The following MBTD1 variants were observed in gnomAD, a reference collection of about 807,000 sequenced individuals.
MBTD1 encodes MBT domain-containing protein 1.
MBTD1 carries 24 observed loss-of-function variants against 87.8 expected under a neutral mutation model. That is an observed-to-expected ratio of 0.27 (90% CI 0.20 to 0.38). MBTD1 has a LOEUF of 0.38. Ranked by LOEUF, MBTD1 falls within the 10% of genes least tolerant of loss-of-function variation. The pLI, the probability that MBTD1 is intolerant of heterozygous loss-of-function variation, is 1.00. For synonymous variants in MBTD1, 237 were observed against 248.6 expected (o/e 0.95, Z 0.44); for missense variants, 436 against 760.2 (o/e 0.57, Z 5.02).
chr17:51,253,393 A>G (rs1277720108), intron 2 of MBTD1, among the ~76,000 whole-genome samples: 1 of 152,218 alleles, frequency 6.6e-6, no homozygotes, highest in Non-Finnish European at 1.5e-5. Context: ...TGCTAATGTA[A>G]TAATAATGAA....
chr17:51,183,674 T>C (rs1467394186), intron 16 of MBTD1: 1 of 152,202 alleles, frequency 6.6e-6, no homozygotes, highest in Non-Finnish European at 1.5e-5. Context: ...CTTCCTTTCA[T>C]TAAAAAATTA....
At position 51,202,705 on chromosome 17, in the gene MBTD1, T is replaced by A. The variant is rs1198178030; in HGVS notation, c.1059A>T (p.Arg353Ser). 1 of 1,612,308 alleles carries A rather than the reference T, an allele frequency of 6.2e-7. No individual in the cohort carries two copies. Among genetic ancestry groups the A allele is most frequent in the Non-Finnish European group, 8.5e-7 (1 of 1,178,426 alleles). ...WSRSIGHRFK[R>S]SDITKKQDGH... ...GTTCTTGTGATAGGTGCTTACCAGA[T>A]CTTTTGAATCGATGACCTATGCTTC... The change falls in exon 10 of 17, where the codon AGA becomes AGT. Residue 353 changes from arginine (R) to serine (S), a missense_variant. Physicochemically the swap from Arg to Ser is moderately radical, Grantham distance 110 (BLOSUM62 -1). Coordinates refer to ENST00000586178, the MANE Select transcript of MBTD1 (RefSeq NM_017643.3).
At position 51,191,160 on chromosome 17, in the gene MBTD1, T is replaced by C. The variant is rs537877967; in HGVS notation, c.1768+1043A>G. Among the ~76,000 whole-genome samples, 5 of 151,494 alleles carry C rather than the reference T, an allele frequency of 3.3e-5. No individual in the cohort carries two copies. In the South Asian group the frequency reaches 1.0e-3, roughly 32 times the overall value. Reference sequence around the variant, plus strand: ...GCTATGGCTTTCTATGGTGGGGAAATAAGATAAAAAAAATCAAACATAGTT... The same window carrying C: ...GCTATGGCTTTCTATGGTGGGGAAACAAGATAAAAAAAATCAAACATAGTT... On this transcript the variant is annotated intron_variant, in intron 16 of 16. Coordinates refer to ENST00000586178, the MANE Select transcript of MBTD1 (RefSeq NM_017643.3).
chr17:51,259,186 C>T lies in MBTD1; in HGVS notation c.-92G>A. The T allele has an allele frequency of 9.1e-7, 1 of 1,094,652 alleles. No individual in the cohort carries two copies. The highest frequency in any genetic ancestry group is 1.2e-6 in the Non-Finnish European group (1 of 862,628). The allele number at this position is 1,094,652 out of a possible 1,614,324, so 67.8% of individuals were successfully genotyped here. ...CAGAGGGGACGGCTGCTTTGGATGA[C>T]CTCTAATGTCTCTTCCGACTCTGAA... On this transcript the variant is annotated 5_prime_UTR_variant, in exon 2 of 17. Transcript: ENST00000586178.
chr17:51,192,041 T>A, intron 16 of MBTD1, 162 bp downstream of exon 16: 1 of 624,172 alleles, frequency 1.6e-6, no homozygotes, highest in Non-Finnish European at 2.9e-6. Flanking sequence ...TGTTTCTCAT[T>A]ATTGCAAGGG....
upstream of MBTD1, chr17:51,260,755 G>GGCCGCTGCGATT (rs1568259740): frequency 6.3e-7 from 1 of 1,582,008 alleles, no homozygotes; most frequent in East Asian, 2.3e-5. Flanking sequence ...CGAGCGCGGC[G>GGCCGCTGCGATT]GCCGCTGCGA....
At chr17:51,186,738 C>T (rs933448710) in intron 16 of MBTD1, among the ~76,000 whole-genome samples, 1 of 151,572 alleles carries the variant, frequency 6.6e-6, no homozygotes, top group Non-Finnish European at 1.5e-5. Context: ...CGTGCCACTG[C>T]ACTCCAACCT....
At chr17:51,209,810 A>G (rs907027976) in intron 6 of MBTD1, among the ~76,000 whole-genome samples, 26 of 152,240 alleles carry the variant, frequency 1.7e-4, no homozygotes, top group Non-Finnish European at 2.4e-4. Context: ...ATGTACAAAA[A>G]GCCATCATCA....
At chr17:51,184,176 G>A (rs2050436083) in intron 16 of MBTD1, 2 of 152,164 alleles carry the variant, frequency 1.3e-5, no homozygotes, top group Non-Finnish European at 2.9e-5. Flanking sequence ...TGTTTTCATG[G>A]AATCTAAAAT....
chr17:51,259,108 C>T, intron 2 of MBTD1, 35 bp downstream of exon 2: 1 of 435,156 alleles, frequency 2.3e-6, no homozygotes, highest in Non-Finnish European at 3.9e-6. Flanking sequence ...GCTCTCAGTG[C>T]TTTTAGGGGT....
chr17:51,253,241 C>A (rs985044774), intron 2 of MBTD1, among the ~76,000 whole-genome samples: 2 of 152,044 alleles, frequency 1.3e-5, no homozygotes, highest in Non-Finnish European at 2.9e-5. Flanking sequence ...ACTATCTTTC[C>A]GGAAGGCAAT....
At position 51,210,827 on chromosome 17, in the gene MBTD1, T is replaced by A. The variant is rs529584579; in HGVS notation, c.487-3822A>T. On this transcript the variant is annotated intron_variant, in intron 6 of 16. Transcript: ENST00000586178. Reference sequence around the variant, plus strand: ...GCATAAAACAGTCCATAATTTTTTTTAAAAAACCATATTAAACCAATATCA... The same window carrying A: ...GCATAAAACAGTCCATAATTTTTTTAAAAAAACCATATTAAACCAATATCA... Among the ~76,000 whole-genome samples, 53 of 151,054 alleles carry A rather than the reference T, an allele frequency of 3.5e-4. No homozygotes were observed. In the South Asian group the frequency reaches 4.8e-3, roughly 14 times the overall value.
chr17:51,223,764 A>G (rs186531529), intron 3 of MBTD1, among the ~76,000 whole-genome samples: 177 of 152,180 alleles, frequency 1.2e-3, no homozygotes, highest in African/African-American at 4.0e-3. Context: ...TGAACCCGGG[A>G]GGTGGAGGCT....
chr17:51,191,863 G>A (rs1299908197), intron 16 of MBTD1: 5 of 237,602 alleles, frequency 2.1e-5, no homozygotes, highest in African/African-American at 7.1e-5. Flanking sequence ...TTACAGGCGT[G>A]AGCCACTGCA....
At chr17:51,246,040 T>C (rs2054414692) in intron 2 of MBTD1, among the ~76,000 whole-genome samples, 3 of 152,230 alleles carry the variant, frequency 2.0e-5, no homozygotes, top group South Asian at 2.1e-4. Context: ...CTGCTTCACA[T>C]AGGTTTTTAA....
At chr17:51,203,693 G>A (rs986160347) in intron 8 of MBTD1, 98 bp downstream of exon 8, 18 of 1,342,148 alleles carry the variant, frequency 1.3e-5, no homozygotes, top group African/African-American at 8.8e-5. Context: ...GGCCATGCCC[G>A]GCCTTTAATT....
chr17:51,240,964 C>T (rs76614666), intron 2 of MBTD1, among the ~76,000 whole-genome samples: 2,833 of 152,116 alleles, frequency 0.019, 62 homozygotes, highest in African/African-American at 0.046. Flanking sequence ...CCATCCACCC[C>T]TTATTGGTGA....
intron 2 of MBTD1, among the ~76,000 whole-genome samples, chr17:51,252,814 T>C (rs2054869427): frequency 6.6e-6 from 1 of 151,956 alleles, no homozygotes; most frequent in South Asian, 2.1e-4. Flanking sequence ...TGTAGGGAGA[T>C]GGAATGATTG....
intron 16 of MBTD1, chr17:51,183,891 TATG>T (rs1359108664): frequency 6.6e-6 from 1 of 152,226 alleles, no homozygotes; most frequent in African/African-American, 2.4e-5. Flanking sequence ...TATCTTGTTC[TATG>T]ATGACTGGAT....
Sources: allele counts gnomAD v4.1 joint callset (sites outside exome capture counted in the v4.1 genomes callset), GRCh38; gene constraint gnomAD v4.1.1; transcripts MANE v1.5; gene names NCBI Gene and HGNC (gene_info 2026-07-23, HGNC 2026-07-21).